Variants in WASF3 observed in about 807,000 individuals in gnomAD.
The protein encoded by WASF3 is actin-binding protein WASF3.
Under a neutral mutation model 46.6 loss-of-function variants are expected in WASF3, and 11 were observed. The observed-to-expected ratio is 0.24, with a 90% confidence interval of 0.15 to 0.39. The LOEUF (loss-of-function observed/expected upper bound fraction) is 0.39. Among genes scored for constraint, WASF3 ranks in the 10% least tolerant of loss-of-function variants. The probability of loss-of-function intolerance (pLI) is 1.00; values close to 1 mark genes in which losing one functional copy is unlikely to be tolerated. For missense variants in WASF3, 576 were observed against 669.8 expected (o/e 0.86, Z 1.55); for synonymous variants, 242 against 259.7 (o/e 0.93, Z 0.65).
intron 1 of WASF3, among the ~76,000 whole-genome samples, chr13:26,584,320 T>G (rs1880067797): frequency 6.6e-6 from 1 of 152,164 alleles, no homozygotes; most frequent in African/African-American, 2.4e-5. Flanking sequence ...TGTGAAAGAG[T>G]GTCTTTTTAA....
chr13:26,613,492 G>A (rs530294623), intron 2 of WASF3, among the ~76,000 whole-genome samples: 265 of 152,246 alleles, frequency 1.7e-3, no homozygotes, highest in South Asian at 0.012. Context: ...TCAGTTGGCC[G>A]GACACGGTGG....
intron 1 of WASF3, among the ~76,000 whole-genome samples, chr13:26,575,556 G>C (rs1446206324): frequency 6.6e-6 from 1 of 152,186 alleles, no homozygotes; most frequent in African/African-American, 2.4e-5. Context: ...TTAGCCTGTG[G>C]TCCAGATGAT....
chr13:26,685,857 C>G lies in WASF3; in HGVS notation c.*12C>G. The G allele has an allele frequency of 6.2e-7, 1 of 1,608,310 alleles. No homozygotes were observed. The highest frequency in any genetic ancestry group is 8.5e-7 in the Non-Finnish European group (1 of 1,175,040). On this transcript the variant is annotated 3_prime_UTR_variant, in exon 10 of 10. Coordinates refer to ENST00000335327, the MANE Select transcript of WASF3 (RefSeq NM_006646.6). Reference sequence around the variant, plus strand: ...ACTGGTCCGACTGAGCAAAGGCCGGCGGAGAGGCCGCGTGTGGGAGCGTGT... The same window carrying G: ...ACTGGTCCGACTGAGCAAAGGCCGGGGGAGAGGCCGCGTGTGGGAGCGTGT...
chr13:26,676,433 C>A (rs1049137181), intron 6 of WASF3, 116 bp from the exon 7 acceptor site: 4 of 1,119,216 alleles, frequency 3.6e-6, no homozygotes, highest in Admixed American at 5.2e-5. Flanking sequence ...AATCGAAATG[C>A]GAATGTGTCT....
At chr13:26,554,016 C>CCTTCCCTT (rs1555245899), upstream of WASF3, among the ~76,000 whole-genome samples, 3 of 79,184 alleles carry the variant, frequency 3.8e-5, no homozygotes, top group East Asian at 7.1e-4. Context: ...TCCTTTCCTT[C>CCTTCCCTT]CCTTCCTTCC....
At chr13:26,576,969 A>G in intron 1 of WASF3, 1 of 727,950 alleles carries the variant, frequency 1.4e-6, no homozygotes, top group Non-Finnish European at 2.4e-6. Flanking sequence ...TTTCTAAGAA[A>G]GAGTGGTATG....
chr13:26,678,471 TTTTC>T (rs1883130844), intron 7 of WASF3, among the ~76,000 whole-genome samples: 1 of 152,154 alleles, frequency 6.6e-6, no homozygotes, highest in Non-Finnish European at 1.5e-5. Flanking sequence ...TCATGCCATG[TTTTC>T]TTTCTTTTGA....
chr13:26,665,251 G>A, intron 4 of WASF3, 89 bp downstream of exon 4: 1 of 1,455,912 alleles, frequency 6.9e-7, no homozygotes, highest in Non-Finnish European at 9.4e-7. Context: ...TTTTTCCTTG[G>A]GATGGCATGC....
At chr13:26,605,900 T>A (rs966926180) in intron 1 of WASF3, among the ~76,000 whole-genome samples, 4 of 152,122 alleles carry the variant, frequency 2.6e-5, no homozygotes, top group African/African-American at 9.7e-5. Flanking sequence ...ATCATCTTGG[T>A]TTTAGGTTTT....
chr13:26,649,698 C>G (rs992264180), intron 3 of WASF3, among the ~76,000 whole-genome samples: 6 of 152,170 alleles, frequency 3.9e-5, no homozygotes, highest in African/African-American at 1.4e-4. Flanking sequence ...GTGTGTTTTT[C>G]TGCCAGCAAC....
the WASF3 span, among the ~76,000 whole-genome samples, chr13:26,545,486 C>G: frequency 6.6e-6 from 1 of 151,552 alleles, no homozygotes; most frequent in African/African-American, 2.4e-5. Flanking sequence ...CTTTTAATTC[C>G]TCGTTCTCTG....
At chr13:26,600,331 T>TG (rs1250101548) in intron 1 of WASF3, among the ~76,000 whole-genome samples, 1 of 152,240 alleles carries the variant, frequency 6.6e-6, no homozygotes, top group Non-Finnish European at 1.5e-5. Flanking sequence ...CTGTGTGACC[T>TG]GGGGCAAGCC....
At chr13:26,664,902 C>G (rs1238926775) in intron 3 of WASF3, 126 bp from the exon 4 acceptor site, 1 of 979,974 alleles carries the variant, frequency 1.0e-6, no homozygotes, top group Non-Finnish European at 1.5e-6. Flanking sequence ...GACTGTGACA[C>G]TTTATTTTCA....
At chr13:26,657,893 G>C (rs1882513716) in intron 3 of WASF3, among the ~76,000 whole-genome samples, 1 of 152,042 alleles carries the variant, frequency 6.6e-6, no homozygotes, top group African/African-American at 2.4e-5. Flanking sequence ...TTCAGCAGCT[G>C]GCAAAATATT....
At chr13:26,596,621 C>G (rs1164882265) in intron 1 of WASF3, among the ~76,000 whole-genome samples, 1 of 151,970 alleles carries the variant, frequency 6.6e-6, no homozygotes, top group Non-Finnish European at 1.5e-5. Flanking sequence ...TGTGATTTTT[C>G]TTTGTGTTTA....
chr13:26,681,107 C>T lies in WASF3; in HGVS notation c.770C>T (p.Ser257Phe). ...TCTTACCCGGCTACTCCCAACCATT[C>T]TCTGCACCCCCAGCCTGTGACCCCT... ...DYSYPATPNHSLHPQPVTPSY... is the reference protein window; with the variant it reads ...DYSYPATPNHFLHPQPVTPSY... The change falls in exon 8 of 10, where the codon TCT (serine) becomes TTT (phenylalanine). Residue 257 changes from serine (S) to phenylalanine (F), a missense_variant. This residue lies in a region of WASF3 where 295 missense variants were observed against 291.5 expected (regional missense o/e 1.01). Transcript: ENST00000335327. 6.2e-7 allele frequency: 1 copy of T among 1,614,224 alleles called. No homozygotes were observed. The highest frequency in any genetic ancestry group is 8.5e-7 in the Non-Finnish European group (1 of 1,180,040).
chr13:26,554,096 C>CTTCCTTCTTTCTCTCTTTCT (rs1566032476), upstream of WASF3, among the ~76,000 whole-genome samples: 1 of 7,372 alleles, frequency 1.4e-4, no homozygotes, highest in African/African-American at 3.8e-4. Flanking sequence ...TCCTTCCTTC[C>CTTCCTTCTTTCTCTCTTTCT]TTCTTTCTTT....
upstream of WASF3, among the ~76,000 whole-genome samples, chr13:26,554,362 C>T (rs1409435671): frequency 6.6e-6 from 1 of 151,854 alleles, no homozygotes; most frequent in Non-Finnish European, 1.5e-5. Flanking sequence ...AATTCCTGAC[C>T]TCAAGCAAGT....
rs761784086 is a variant in WASF3, at chr13:26,642,312, C to T, written c.42C>T (p.Cys14=). ...VKRNIEPRHL[C]RGALPEGITS... is the part of the protein sequence containing the mutation. Reference sequence around the variant, plus strand: ...GGAACATTGAGCCCCGGCACTTGTGCCGGGGAGCTCTGCCTGAAGGGATTA... The same window carrying T: ...GGAACATTGAGCCCCGGCACTTGTGTCGGGGAGCTCTGCCTGAAGGGATTA... The change falls in exon 3 of 10, where the codon TGC becomes TGT. Residue 14 remains cysteine (C), a synonymous_variant. Transcript: ENST00000335327. 1.9e-6 allele frequency: 3 copies of T among 1,605,268 alleles called. No individual in the cohort carries two copies. Among genetic ancestry groups the T allele is most frequent in the Non-Finnish European group, 2.5e-6 (3 of 1,177,040 alleles).
Sources: gnomAD v4.1 joint callset for allele counts (sites outside exome capture counted in the v4.1 genomes callset) on GRCh38, gnomAD v4.1.1 for gene constraint, gnomAD v4.1.1 regional missense constraint, MANE v1.5 for transcripts, NCBI Gene and HGNC (gene_info 2026-07-23, HGNC 2026-07-21) for gene names.